The following PRUNE2 variants were observed in gnomAD, a reference collection of about 807,000 sequenced individuals.
PRUNE2 encodes the protein prune homolog 2 with BCH domain, also known as protein prune homolog 2.
A neutral mutation model predicts 252.0 loss-of-function variants in PRUNE2; 164 were observed. That is an observed-to-expected ratio of 0.65 (90% confidence interval 0.57 to 0.74). The LOEUF (loss-of-function observed/expected upper bound fraction) is 0.74, where lower values mean the gene tolerates loss of function less well. PRUNE2 is among the 30% of genes least tolerant of loss of function. PRUNE2 has a pLI of 0.00. For missense variants in PRUNE2, 3,495 were observed against 3,711.0 expected, an observed-to-expected ratio of 0.94 and a Z score of 1.51; for synonymous variants, 1,292 against 1,350.2, an observed-to-expected ratio of 0.96 and a Z score of 0.94.
At chr9:76,853,090 T>C (rs2060058001) in intron 2 of PRUNE2, among the ~76,000 whole-genome samples, 1 of 152,232 alleles carries the variant, frequency 6.6e-6, no homozygotes, top group African/African-American at 2.4e-5. Flanking sequence ...GAGGCACATT[T>C]ATCTCCTCAT....
chr9:76,634,127 C>A (rs907591893), intron 15 of PRUNE2, among the ~76,000 whole-genome samples: 3 of 151,856 alleles, frequency 2.0e-5, no homozygotes, highest in Non-Finnish European at 4.4e-5. Flanking sequence ...AAAAAACAAA[C>A]AAAAAAGTAT....
At chr9:76,887,050 G>A (rs950022430) in intron 1 of PRUNE2, among the ~76,000 whole-genome samples, 15 of 152,108 alleles carry the variant, frequency 9.9e-5, no homozygotes, top group Non-Finnish European at 1.5e-4. Context: ...ATGAAGGAGC[G>A]TCTTTTGTTA....
chr9:76,784,840 AC>A (rs1165655668), intron 6 of PRUNE2: 1 of 152,448 alleles, frequency 6.6e-6, no homozygotes, highest in African/African-American at 2.4e-5. Flanking sequence ...CTTTGCCCAT[AC>A]TGAAATTCAT....
At chr9:76,769,781 T>C (rs2052890669) in intron 6 of PRUNE2, among the ~76,000 whole-genome samples, 1 of 152,252 alleles carries the variant, frequency 6.6e-6, no homozygotes, top group African/African-American at 2.4e-5. Context: ...GTAGGCTTGC[T>C]GGATAAAAGG....
intron 6 of PRUNE2, among the ~76,000 whole-genome samples, chr9:76,772,059 A>G (rs530220608): frequency 6.6e-6 from 1 of 152,286 alleles, no homozygotes; most frequent in Admixed American, 6.5e-5. Context: ...CTTTTAACCC[A>G]AGAATCCTGG....
rs114903691 is a variant in PRUNE2 at position 76,725,438 on chromosome 9, A to G, written c.757-11717T>C. On this transcript the variant is annotated intron_variant, in intron 6 of 18. Coordinates refer to ENST00000376718, the MANE Select transcript of PRUNE2 (RefSeq NM_015225.3). ...ATGGGCAGATATCCTGATGGGTCTAATGAAGCCTCTCTGCTGACAACTCAT... is the reference window on the plus strand; with the variant it reads ...ATGGGCAGATATCCTGATGGGTCTAGTGAAGCCTCTCTGCTGACAACTCAT... Among the ~76,000 whole-genome samples, 1,251 of 152,306 alleles carry G rather than the reference A, an allele frequency of 8.2e-3. 14 individuals are homozygous for G. Among genetic ancestry groups the G allele is most frequent in the African/African-American group, 0.028 (1,170 of 41,568 alleles).
intron 1 of PRUNE2, among the ~76,000 whole-genome samples, chr9:76,879,872 G>A (rs1456046349): frequency 7.8e-6 from 1 of 128,378 alleles, no homozygotes; most frequent in South Asian, 2.5e-4. Flanking sequence ...TAAGAAAGAG[G>A]CCTGTCATAT....
chr9:76,768,610 T>G (rs1295805553), intron 6 of PRUNE2, among the ~76,000 whole-genome samples: 2 of 151,668 alleles, frequency 1.3e-5, no homozygotes, highest in Non-Finnish European at 2.9e-5. Flanking sequence ...TGTGTGTGTG[T>G]GTGTGTGTGT....
intron 6 of PRUNE2, among the ~76,000 whole-genome samples, chr9:76,735,743 T>C (rs538830553): frequency 6.6e-6 from 1 of 152,338 alleles, no homozygotes; most frequent in East Asian, 1.9e-4. Context: ...TTTCTACATA[T>C]GATCAAAATA....
At chr9:76,868,009 C>T (rs929357669) in intron 1 of PRUNE2, among the ~76,000 whole-genome samples, 3 of 152,216 alleles carry the variant, frequency 2.0e-5, no homozygotes, top group Admixed American at 6.5e-5. Flanking sequence ...ATTCTGGTTC[C>T]AATCTTAATT....
intron 6 of PRUNE2, among the ~76,000 whole-genome samples, chr9:76,796,485 C>G (rs1441478953): frequency 2.0e-5 from 3 of 152,160 alleles, no homozygotes; most frequent in African/African-American, 4.8e-5. Flanking sequence ...CATTTTGGCA[C>G]GGCCCCCACC....
chr9:76,889,897 C>T (rs540776717), intron 1 of PRUNE2, among the ~76,000 whole-genome samples: 1 of 152,298 alleles, frequency 6.6e-6, no homozygotes, highest in South Asian at 2.1e-4. Context: ...CTCCTGAGAG[C>T]CTGTTAGAAG....
intron 1 of PRUNE2, among the ~76,000 whole-genome samples, chr9:76,860,204 A>G (rs1266115423): frequency 6.6e-6 from 1 of 152,214 alleles, no homozygotes; most frequent in African/African-American, 2.4e-5. Context: ...CCAGTTACTT[A>G]GGTTTTACAA....
At chr9:76,868,651 T>C (rs2060984411) in intron 1 of PRUNE2, among the ~76,000 whole-genome samples, 1 of 152,128 alleles carries the variant, frequency 6.6e-6, no homozygotes, top group South Asian at 2.1e-4. Flanking sequence ...CTAGCGTCAA[T>C]ATGCAATAGC....
At chr9:76,760,320 T>C (rs2051578944) in intron 6 of PRUNE2, among the ~76,000 whole-genome samples, 1 of 152,196 alleles carries the variant, frequency 6.6e-6, no homozygotes. Flanking sequence ...CTTTTGTCCA[T>C]TACTGATGCT....
intron 16 of PRUNE2, among the ~76,000 whole-genome samples, chr9:76,625,290 C>T (rs780360433): frequency 1.3e-5 from 2 of 152,182 alleles, no homozygotes; most frequent in Non-Finnish European, 2.9e-5. Context: ...TACACAAATA[C>T]TTACCATGGT....
At chr9:76,801,635 T>G (rs1164244133) in intron 6 of PRUNE2, among the ~76,000 whole-genome samples, 2 of 152,198 alleles carry the variant, frequency 1.3e-5, no homozygotes, top group Admixed American at 6.5e-5. Flanking sequence ...AAAAAAAAGT[T>G]TAAAGGTAAA....
intron 9 of PRUNE2, among the ~76,000 whole-genome samples, chr9:76,698,128 C>A (rs1442806560): frequency 6.7e-6 from 1 of 150,218 alleles, no homozygotes; most frequent in East Asian, 2.0e-4. Context: ...CTCACTGCAA[C>A]CTCCGCCTCC....
At chr9:76,728,213 C>A (rs1025272448) in intron 6 of PRUNE2, among the ~76,000 whole-genome samples, 1 of 152,126 alleles carries the variant, frequency 6.6e-6, no homozygotes, top group African/African-American at 2.4e-5. Flanking sequence ...AGCATCTTTG[C>A]CCAATAACTT....
Sources: gnomAD v4.1 joint callset for allele counts (sites outside exome capture counted in the v4.1 genomes callset) on GRCh38, gnomAD v4.1.1 for gene constraint, MANE v1.5 for transcripts, NCBI Gene and HGNC (gene_info 2026-07-23, HGNC 2026-07-21) for gene names.